Variants in SPIRE1 observed in about 807,000 individuals in gnomAD.
The protein encoded by SPIRE1 is protein spire homolog 1.
In SPIRE1, 40 loss-of-function variants were observed where a neutral mutation model predicts 94.1. That is an observed-to-expected ratio of 0.43 (90% CI 0.33 to 0.55). The LOEUF (loss-of-function observed/expected upper bound fraction) is 0.55. SPIRE1 is among the 20% of genes least tolerant of loss of function. The pLI is 0.06. For missense variants in SPIRE1, 838 were observed against 975.2 expected, an observed-to-expected ratio of 0.86 and a Z score of 1.87; for synonymous variants, 376 against 371.7, an observed-to-expected ratio of 1.01 and a Z score of -0.13.
At position 12,464,922 on chromosome 18, in the gene SPIRE1, C is replaced by CGCT. The variant is rs1598896276; in HGVS notation, c.1438_1440dup (p.Ser480dup). 1 of 1,613,976 alleles carries CGCT rather than the reference C, an allele frequency of 6.2e-7. No individual in the cohort carries two copies. The highest frequency in any genetic ancestry group is 8.5e-7 in the Non-Finnish European group (1 of 1,179,966). On this transcript the variant is annotated inframe_insertion, in exon 11 of 17. Transcript: ENST00000409402. ...GGCTCTTCAGGGAAAGAGGGAGACA[C>CGCT]GCTGCTGCTGCTGGTCGACTTGTGC...
intron 10 of SPIRE1, among the ~76,000 whole-genome samples, chr18:12,471,380 CTTTCT>C (rs2032353225): frequency 2.7e-5 from 4 of 148,218 alleles, no homozygotes; most frequent in Admixed American, 1.3e-4. Flanking sequence ...ATACTGGTTT[CTTTCT>C]TTTTTTTTTT....
chr18:12,604,930 A>C (rs1472330341), intron 2 of SPIRE1, among the ~76,000 whole-genome samples: 1 of 152,194 alleles, frequency 6.6e-6, no homozygotes, highest in African/African-American at 2.4e-5. Flanking sequence ...AAAAGAAAGA[A>C]GCTCTAACAC....
chr18:12,661,033 C>A (rs1202108080), upstream of SPIRE1, among the ~76,000 whole-genome samples: 2 of 152,194 alleles, frequency 1.3e-5, no homozygotes, highest in Admixed American at 6.5e-5. Flanking sequence ...GCTGGCCAGG[C>A]ATGGTGGCTC....
intron 12 of SPIRE1, among the ~76,000 whole-genome samples, chr18:12,456,294 T>C (rs1019490147): frequency 4.6e-5 from 7 of 152,206 alleles, no homozygotes; most frequent in Non-Finnish European, 1.0e-4. Context: ...AGAGTAGTGT[T>C]AGGTGGGAAC....
At chr18:12,589,746 T>C (rs1470107918) in intron 2 of SPIRE1, among the ~76,000 whole-genome samples, 3 of 152,206 alleles carry the variant, frequency 2.0e-5, no homozygotes, top group Non-Finnish European at 4.4e-5. Context: ...TCTCATTCAA[T>C]GACAGCCACT....
At chr18:12,525,193 C>A (rs1301352902) in intron 4 of SPIRE1, among the ~76,000 whole-genome samples, 2 of 142,830 alleles carry the variant, frequency 1.4e-5, no homozygotes, top group East Asian at 2.2e-4. Context: ...AGGAGAATGG[C>A]GTGAACCCGG....
At position 12,493,205 on chromosome 18, in the gene SPIRE1, G is replaced by A; in HGVS notation, c.1060-4C>T. On this transcript the variant is annotated splice_polypyrimidine_tract_variant and splice_region_variant and intron_variant, in intron 7 of 16. Transcript: ENST00000409402. ...GTTTCAGTTTTCTGGCTGAGACCTT[G>A]AAAGTAAGAAAAATGGCTAAAGACT... 6.2e-7 allele frequency: 1 copy of A among 1,607,048 alleles called. No homozygotes were observed. Among genetic ancestry groups the A allele is most frequent in the Admixed American group, 1.7e-5 (1 of 57,904 alleles).
chr18:12,626,523 G>A (rs2037630538), intron 2 of SPIRE1, among the ~76,000 whole-genome samples: 1 of 152,112 alleles, frequency 6.6e-6, no homozygotes, highest in Admixed American at 6.6e-5. Flanking sequence ...GACTATATCC[G>A]TTGGCTATAA....
chr18:12,640,823 C>T lies in SPIRE1; in HGVS notation c.338-5727G>A, dbSNP rs140150404. 3.7e-3 allele frequency among the ~76,000 whole-genome samples: 561 copies of T among 152,206 alleles called. 1 individual carries two copies. The highest frequency in any genetic ancestry group is 0.013 in the African/African-American group (524 of 41,544). On this transcript the variant is annotated intron_variant, in intron 1 of 16. Transcript: ENST00000409402. ...TTAGACAGGCAGGGGGCAGATCACACAGGCTTGTAAGGATAGTATGATGAG... is the reference window on the plus strand; with the variant it reads ...TTAGACAGGCAGGGGGCAGATCACATAGGCTTGTAAGGATAGTATGATGAG...
At chr18:12,547,576 A>AT (rs898167541) in intron 2 of SPIRE1, among the ~76,000 whole-genome samples, 1 of 152,162 alleles carries the variant, frequency 6.6e-6, no homozygotes, top group Non-Finnish European at 1.5e-5. Flanking sequence ...TCTGCTATAT[A>AT]TTTAAAAAAG....
intron 2 of SPIRE1, among the ~76,000 whole-genome samples, chr18:12,624,120 G>A (rs1453150852): frequency 4.5e-5 from 6 of 133,824 alleles, no homozygotes; most frequent in African/African-American, 8.5e-5. Context: ...ACGGAGTTTC[G>A]CCATGTTGAT....
intron 2 of SPIRE1, among the ~76,000 whole-genome samples, chr18:12,589,571 A>G (rs1200796232): frequency 6.6e-6 from 1 of 152,214 alleles, no homozygotes; most frequent in East Asian, 1.9e-4. Flanking sequence ...ACTTAGGTAA[A>G]AGGTGCTCTT....
chr18:12,540,193 A>C (rs1000608381), intron 3 of SPIRE1, among the ~76,000 whole-genome samples: 6 of 151,918 alleles, frequency 3.9e-5, no homozygotes, highest in African/African-American at 1.5e-4. Flanking sequence ...GCTCACACCT[A>C]CCTCTCAAAT....
intron 2 of SPIRE1, among the ~76,000 whole-genome samples, chr18:12,607,825 C>A (rs1317936740): frequency 6.6e-6 from 1 of 152,076 alleles, no homozygotes; most frequent in Admixed American, 6.5e-5. Flanking sequence ...TACCCCCATA[C>A]CCTAATGTGA....
chr18:12,493,171 G>C lies in SPIRE1; in HGVS notation c.1090C>G (p.Pro364Ala). ...VSARKLKPTP[P>A]RPRSLHERIL... ...CTTTCATGGAGGCTCCGTGGCCGTG[G>C]TGGAGTTGGTTTCAGTTTTCTGGCT... Residue 364 changes from proline (P) to alanine (A), a missense_variant, in exon 8 of 17, where the codon CCA becomes GCA. Around this residue, in one of 2 missense-constraint regions of SPIRE1, gnomAD observed 645 missense variants for 804.7 expected, o/e 0.80. Transcript: ENST00000409402. 5 of 1,613,266 alleles carry C rather than the reference G, an allele frequency of 3.1e-6. No homozygotes were observed. The highest frequency in any genetic ancestry group is 4.2e-6 in the Non-Finnish European group (5 of 1,179,852).
At chr18:12,588,931 C>T (rs535403135) in intron 2 of SPIRE1, among the ~76,000 whole-genome samples, 3 of 152,208 alleles carry the variant, frequency 2.0e-5, no homozygotes, top group Admixed American at 6.5e-5. Flanking sequence ...ACTTGGATTC[C>T]GTGTGGTCAG....
At chr18:12,483,908 G>A (rs1212423903) in intron 9 of SPIRE1, among the ~76,000 whole-genome samples, 2 of 152,096 alleles carry the variant, frequency 1.3e-5, no homozygotes, top group African/African-American at 2.4e-5. Flanking sequence ...AAGAAATCAA[G>A]AATGAAGCAT....
intron 2 of SPIRE1, among the ~76,000 whole-genome samples, chr18:12,568,608 G>T (rs1275843658): frequency 1.3e-5 from 2 of 152,058 alleles, no homozygotes; most frequent in Non-Finnish European, 2.9e-5. Flanking sequence ...TGTTTATGTG[G>T]TATATTTCAC....
At chr18:12,500,327 G>T (rs1041493086) in intron 6 of SPIRE1, among the ~76,000 whole-genome samples, 3 of 152,084 alleles carry the variant, frequency 2.0e-5, no homozygotes, top group Admixed American at 2.0e-4. Flanking sequence ...TTTCTCCAAA[G>T]ATATACAAAT....
Sources: allele counts gnomAD v4.1 joint callset (sites outside exome capture counted in the v4.1 genomes callset), GRCh38; gene constraint gnomAD v4.1.1; regional missense constraint gnomAD v4.1.1; transcripts MANE v1.5; gene names NCBI Gene and HGNC (gene_info 2026-07-23, HGNC 2026-07-21).